Variants in ELP1 observed in about 807,000 individuals in gnomAD.
ELP1 encodes elongator acetyltransferase complex subunit 1.
Under a neutral mutation model 183.2 loss-of-function variants are expected in ELP1, and 131 were observed. That is an observed-to-expected ratio of 0.72 (90% CI 0.62 to 0.83). The LOEUF is 0.83. Among genes scored for constraint, ELP1 ranks in the 40% least tolerant of loss-of-function variants. The pLI, the probability that ELP1 is intolerant of heterozygous loss-of-function variation, is 0.00. For synonymous variants in ELP1, 555 were observed against 569.0 expected (o/e 0.98, Z 0.35); for missense variants, 1,550 against 1,594.9 (o/e 0.97, Z 0.48).
rs1236583859 is a variant in ELP1, at chr9:108,889,382, C to T, written c.3172G>A (p.Glu1058Lys). 1 of 1,614,146 alleles carries T rather than the reference C, an allele frequency of 6.2e-7. No homozygotes were observed. Among genetic ancestry groups the T allele is most frequent in the African/African-American group, 1.3e-5 (1 of 75,058 alleles). The change falls in exon 29 of 37, where the codon GAG becomes AAG. Residue 1058 changes from glutamate (E) to lysine (K), a missense_variant. By Grantham distance (56) the Glu-to-Lys change is moderately conservative. Transcript: ENST00000374647. ...LGRTLAGKLV[E>K]QRKHIDAAMV... ...GCCGCATCAATGTGCTTCCTCTGCT[C>T]AACCAGCTTTCCTGTAGAGACAATA...
chr9:108,929,812 G>A lies in ELP1; in HGVS notation c.260C>T (p.Thr87Ile), dbSNP rs1829939244. 6.2e-7 allele frequency: 1 copy of A among 1,613,780 alleles called. No homozygotes were observed. The highest frequency in any genetic ancestry group is 8.5e-7 in the Non-Finnish European group (1 of 1,180,030). ...LLDQESVCVATASGDVILCSL... is the reference protein window; with the variant it reads ...LLDQESVCVAIASGDVILCSL... Reference sequence around the variant, plus strand: ...GCAGAGTATGACGTCTCCAGAGGCTGTGGCCACACACACAGACTCCTGATC... The same window carrying A: ...GCAGAGTATGACGTCTCCAGAGGCTATGGCCACACACACAGACTCCTGATC... Residue 87 changes from threonine (T) to isoleucine (I), a missense_variant, in exon 3 of 37, where the codon ACA becomes ATA. Coordinates refer to ENST00000374647, the MANE Select transcript of ELP1 (RefSeq NM_003640.5).
At chr9:108,917,790 T>C in intron 8 of ELP1, 120 bp from the exon 9 acceptor site, 2 of 1,122,168 alleles carry the variant, frequency 1.8e-6, no homozygotes, top group Non-Finnish European at 2.7e-6. Context: ...TTAATGAATA[T>C]CTTTATCCAA....
intron 29 of ELP1, among the ~76,000 whole-genome samples, chr9:108,888,427 A>T (rs940410515): frequency 3.9e-5 from 6 of 152,238 alleles, no homozygotes; most frequent in Admixed American, 6.5e-5. Context: ...TACAACACAT[A>T]ATTTTATTGT....
At position 108,898,571 on chromosome 9, in the gene ELP1, C is replaced by T. The variant is rs2230792; in HGVS notation, c.2294G>A (p.Gly765Glu). Residue 765 changes from glycine to glutamate, a missense_variant, in exon 22 of 37, where the codon GGA becomes GAA. Coordinates refer to ENST00000374647, the MANE Select transcript of ELP1 (RefSeq NM_003640.5). ...CTGTTTAATGAAGGTTTCCACATTT[C>T]CAAGAAACACCTACCAAAAAAAGGA... Reference protein sequence around the residue: ...IYDHNPKVFLGNVETFIKQID... With the variant: ...IYDHNPKVFLENVETFIKQID... The T allele has an allele frequency of 0.2, 322,483 of 1,601,350 alleles. 35,513 individuals carry two copies. Among genetic ancestry groups the T allele is most frequent in the African/African-American group, 0.42 (30,959 of 74,452 alleles).
At chr9:108,922,325 C>T (rs1011583838) in intron 6 of ELP1, among the ~76,000 whole-genome samples, 31 of 152,196 alleles carry the variant, frequency 2.0e-4, no homozygotes, top group African/African-American at 7.0e-4. Flanking sequence ...CTTCAGGGGC[C>T]GCCCCGCCTA....
At chr9:108,900,430 T>A in intron 18 of ELP1, 55 bp from the exon 19 acceptor site, 1 of 1,225,078 alleles carries the variant, frequency 8.2e-7, no homozygotes, top group Non-Finnish European at 1.2e-6. Flanking sequence ...CACTCTCCAT[T>A]AACTGCAATT....
At position 108,918,585 on chromosome 9, in the gene ELP1, T is replaced by C. The variant is rs1417713; in HGVS notation, c.740+226A>G. Among the ~76,000 whole-genome samples the C allele has an allele frequency of 0.57, 86,960 of 151,484 alleles. 25,194 individuals are homozygous for C. The highest frequency in any genetic ancestry group is 0.7 in the South Asian group (3,364 of 4,806). Reference sequence around the variant, plus strand: ...CAAAATATATGCGGCCTTGGAACAATGAAATCTGTGAAGAAGCGTAAAATC... The same window carrying C: ...CAAAATATATGCGGCCTTGGAACAACGAAATCTGTGAAGAAGCGTAAAATC... On this transcript the variant is annotated intron_variant, in intron 8 of 36. Coordinates refer to ENST00000374647, the MANE Select transcript of ELP1 (RefSeq NM_003640.5).
At position 108,927,385 on chromosome 9, in the gene ELP1, C is replaced by G. The variant is rs759580527; in HGVS notation, c.372G>C (p.Val124=). ...VMSWSPDQEL[V]LLATGQQTLI... ...TAACAAGCTTACCTGTGGCAAGAAGCACCAGCTCTTGGTCAGGACTCCAAC... is the reference window on the plus strand; with the variant it reads ...TAACAAGCTTACCTGTGGCAAGAAGGACCAGCTCTTGGTCAGGACTCCAAC... Residue 124 remains valine (V), a synonymous_variant, in exon 4 of 37, where the codon GTG becomes GTC. Coordinates refer to ENST00000374647, the MANE Select transcript of ELP1 (RefSeq NM_003640.5). 2.5e-6 allele frequency: 4 copies of G among 1,613,490 alleles called. No individual in the cohort carries two copies. The highest frequency in any genetic ancestry group is 3.4e-6 in the Non-Finnish European group (4 of 1,179,498).
At chr9:108,892,322 A>G (rs556141444) in intron 27 of ELP1, among the ~76,000 whole-genome samples, 20 of 152,324 alleles carry the variant, frequency 1.3e-4, no homozygotes, top group African/African-American at 4.3e-4. Flanking sequence ...AACTACCTAC[A>G]AGTAACTGGG....
intron 12 of ELP1, among the ~76,000 whole-genome samples, chr9:108,910,318 C>T (rs1223745145): frequency 6.6e-6 from 1 of 152,122 alleles, no homozygotes; most frequent in East Asian, 1.9e-4. Context: ...TAAGGACTTC[C>T]CATTTAAATT....
intron 15 of ELP1, 75 bp from the exon 16 acceptor site, chr9:108,903,017 T>G: frequency 1.0e-6 from 1 of 982,624 alleles, no homozygotes; most frequent in Non-Finnish European, 1.6e-6. Context: ...CAACATTTGC[T>G]AAAACACTTA....
intron 32 of ELP1, among the ~76,000 whole-genome samples, 185 bp from the exon 33 acceptor site, chr9:108,879,742 G>C (rs1052133022): frequency 1.3e-5 from 2 of 152,216 alleles, no homozygotes; most frequent in Non-Finnish European, 2.9e-5. Flanking sequence ...ATGTAAATCA[G>C]TAGTTTCCTG....
In ELP1 at chr9:108,911,147, A is replaced by G; in HGVS notation, c.1223T>C (p.Val408Ala). 6.2e-7 allele frequency: 1 copy of G among 1,614,216 alleles called. No individual in the cohort carries two copies. Among genetic ancestry groups the G allele is most frequent in the Non-Finnish European group, 8.5e-7 (1 of 1,180,030 alleles). Reference sequence around the variant, plus strand: ...GTAGGTGCACATGGGAGGCGGAACCACAGTCTGCCGGAAGACTGTCACCAA... The same window carrying G: ...GTAGGTGCACATGGGAGGCGGAACCGCAGTCTGCCGGAAGACTGTCACCAA... ...RVLVTVFRQT[V>A]VPPPMCTYQL... The change falls in exon 12 of 37, where the codon GTG (valine) becomes GCG (alanine). Residue 408 changes from valine to alanine, a missense_variant. By Grantham distance (64) the Val-to-Ala change is moderately conservative. Coordinates refer to ENST00000374647, the MANE Select transcript of ELP1 (RefSeq NM_003640.5).
rs1828720852 is a variant in ELP1, at chr9:108,900,292, C to A, written c.2098G>T (p.Val700Phe). The change falls in exon 19 of 37, where the codon GTT becomes TTT. Residue 700 changes from valine (V) to phenylalanine (F), a missense_variant. Transcript: ENST00000374647. Reference protein sequence around the residue: ...KVERGSRIVTVVPQDTKLVLQ... With the variant: ...KVERGSRIVTFVPQDTKLVLQ... Reference sequence around the variant, plus strand: ...ACAAGCTTTGTGTCCTGGGGCACAACAGTGACAATCCGTGAACCCCTCTCC... The same window carrying A: ...ACAAGCTTTGTGTCCTGGGGCACAAAAGTGACAATCCGTGAACCCCTCTCC... The A allele has an allele frequency of 6.2e-7, 1 of 1,613,976 alleles. No individual in the cohort carries two copies. Among genetic ancestry groups the A allele is most frequent in the African/African-American group, 1.3e-5 (1 of 74,920 alleles).
chr9:108,897,108 C>T (rs751544484), intron 23 of ELP1, 40 bp downstream of exon 23: 24 of 1,613,874 alleles, frequency 1.5e-5, no homozygotes, highest in South Asian at 4.4e-5. Flanking sequence ...CTACACACTT[C>T]GGTTTTTCAA....
chr9:108,891,128 T>TCTTTTGTTTG, intron 28 of ELP1, 75 bp downstream of exon 28: 1 of 1,447,880 alleles, frequency 6.9e-7, no homozygotes, highest in Non-Finnish European at 9.7e-7. Context: ...TAAATTTATT[T>TCTTTTGTTTG]GCAAAATTAC....
At chr9:108,910,509 C>G (rs1420675974) in intron 12 of ELP1, among the ~76,000 whole-genome samples, 2 of 152,150 alleles carry the variant, frequency 1.3e-5, no homozygotes, top group Non-Finnish European at 2.9e-5. Flanking sequence ...GAAGAACTGA[C>G]AGCAATGGGG....
rs1370759222 is a variant in ELP1 at position 108,917,594 on chromosome 9, G to T, written c.817C>A (p.Leu273Ile). The T allele has an allele frequency of 3.1e-6, 5 of 1,613,822 alleles. No individual in the cohort carries two copies. Among genetic ancestry groups the T allele is most frequent in the Non-Finnish European group, 4.2e-6 (5 of 1,179,860 alleles). The stretch of plus-strand genomic sequence containing the variant: ...GGAAGTGTAAAGTGTCCATGAAGGA[G>T]TCCATTTTTCTCAAAAAACACAATA... Reference protein sequence around the residue: ...QDIVFFEKNGLLHGHFTLPFL... With the variant: ...QDIVFFEKNGILHGHFTLPFL... Residue 273 changes from leucine (L) to isoleucine (I), a missense_variant, in exon 9 of 37, where the codon CTC becomes ATC. By Grantham distance (5) the Leu-to-Ile change is conservative. Coordinates refer to ENST00000374647, the MANE Select transcript of ELP1 (RefSeq NM_003640.5).
chr9:108,911,562 A>C (rs1224167824), intron 11 of ELP1, among the ~76,000 whole-genome samples: 2 of 152,228 alleles, frequency 1.3e-5, no homozygotes, highest in Non-Finnish European at 2.9e-5. Context: ...TTTGGTAATA[A>C]CGCAGATCTG....
Sources: allele counts gnomAD v4.1 joint callset (sites outside exome capture counted in the v4.1 genomes callset), GRCh38; gene constraint gnomAD v4.1.1; transcripts MANE v1.5; gene names NCBI Gene and HGNC (gene_info 2026-07-23, HGNC 2026-07-21).